Variants in MAL2 observed in about 807,000 individuals in gnomAD.
The protein encoded by MAL2 is protein MAL2.
MAL2 carries 17 observed loss-of-function variants against 18.1 expected under a neutral mutation model. The observed-to-expected ratio is 0.94, with a 90% CI of 0.64 to 1.41. MAL2 has a LOEUF of 1.41. Ranked by LOEUF, MAL2 falls within the 40% of genes most tolerant of loss-of-function variation. The pLI is 0.00. For synonymous variants in MAL2, 102 were observed against 102.3 expected (o/e 1.00, Z 0.02); for missense variants, 222 against 231.9 (o/e 0.96, Z 0.28).
chr8:119,240,398 C>T (rs1374399717), intron 3 of MAL2, 78 bp downstream of exon 3: 3 of 1,444,182 alleles, frequency 2.1e-6, no homozygotes, highest in Non-Finnish European at 2.8e-6. Flanking sequence ...ACTCCTCAGG[C>T]AACAATAGTT....
At chr8:119,239,252 A>T (rs1817991426) in intron 2 of MAL2, among the ~76,000 whole-genome samples, 4 of 152,258 alleles carry the variant, frequency 2.6e-5, no homozygotes, top group Admixed American at 2.6e-4. Flanking sequence ...TTAGAATGGC[A>T]ATCATTAAAA....
At chr8:119,216,671 T>C (rs1236950700) in intron 1 of MAL2, among the ~76,000 whole-genome samples, 1 of 152,188 alleles carries the variant, frequency 6.6e-6, no homozygotes, top group African/African-American at 2.4e-5. Context: ...GAATAATGAA[T>C]TATCCAATAT....
chr8:119,237,858 A>C (rs975971584), intron 2 of MAL2, among the ~76,000 whole-genome samples: 1 of 152,188 alleles, frequency 6.6e-6, no homozygotes, highest in Non-Finnish European at 1.5e-5. Context: ...AACTGGAAGC[A>C]TTCCCTTTGA....
chr8:119,232,523 T>G (rs1160219890), intron 2 of MAL2, among the ~76,000 whole-genome samples: 1 of 152,196 alleles, frequency 6.6e-6, no homozygotes, highest in African/African-American at 2.4e-5. Context: ...TTCACATGAA[T>G]GTCAGCAACA....
intron 2 of MAL2, among the ~76,000 whole-genome samples, chr8:119,227,417 G>T (rs529739727): frequency 1.9e-4 from 29 of 152,282 alleles, no homozygotes; most frequent in Non-Finnish European, 2.9e-4. Flanking sequence ...GCTCTACAAA[G>T]TCTTGACCAA....
chr8:119,227,296 G>A lies in MAL2; in HGVS notation c.303+5539G>A, dbSNP rs149670208. ...GAGAAGTACAAGAGTTTTGGTTTGG[G>A]CTTTTTGTGCATTTTGTTGTTGTTG... On this transcript the variant is annotated intron_variant, in intron 2 of 3. Transcript: ENST00000614891. 2.0e-5 allele frequency among the ~76,000 whole-genome samples: 3 copies of A among 152,318 alleles called. No homozygotes were observed. The East Asian group carries it at 5.8e-4, about 29-fold the overall frequency.
At chr8:119,235,203 G>T (rs1817852240) in intron 2 of MAL2, among the ~76,000 whole-genome samples, 3 of 152,166 alleles carry the variant, frequency 2.0e-5, no homozygotes, top group South Asian at 4.1e-4. Context: ...GGAAGAAAGG[G>T]TATCAGCAAT....
chr8:119,232,745 T>G (rs1001390998), intron 2 of MAL2, among the ~76,000 whole-genome samples: 1 of 152,080 alleles, frequency 6.6e-6, no homozygotes, highest in African/African-American at 2.4e-5. Context: ...AAGATGTTAT[T>G]TAAATGCTAT....
chr8:119,234,683 C>T (rs1817835233), intron 2 of MAL2, among the ~76,000 whole-genome samples: 1 of 151,748 alleles, frequency 6.6e-6, no homozygotes, highest in Admixed American at 6.6e-5. Context: ...TGGGAGGCAC[C>T]CCCCAGCAGG....
chr8:119,233,595 C>G (rs59699923), intron 2 of MAL2, among the ~76,000 whole-genome samples: 1 of 151,986 alleles, frequency 6.6e-6, no homozygotes, highest in Non-Finnish European at 1.5e-5. Context: ...ATAAATTCCT[C>G]GACACATACA....
intron 1 of MAL2, 88 bp from the exon 2 acceptor site, chr8:119,221,499 C>T: frequency 6.7e-7 from 1 of 1,493,276 alleles, no homozygotes; most frequent in South Asian, 1.3e-5. Flanking sequence ...AAAATGAAGG[C>T]AATGCTGAGG....
chr8:119,234,990 T>G (rs564559583), intron 2 of MAL2, among the ~76,000 whole-genome samples: 107 of 152,088 alleles, frequency 7.0e-4, no homozygotes, highest in Middle Eastern at 3.4e-3. Context: ...AGAAGAAGGC[T>G]TCAGACGATC....
intron 2 of MAL2, among the ~76,000 whole-genome samples, chr8:119,232,575 A>AAGTATATATGTTAGT (rs1433091873): frequency 6.6e-6 from 1 of 152,150 alleles, no homozygotes; most frequent in Non-Finnish European, 1.5e-5. Context: ...CTTTTGGTGG[A>AAGTATATATGTTAGT]AGTATATATG....
At position 119,221,695 on chromosome 8, in the gene MAL2, C is replaced by G. The variant is rs761041926; in HGVS notation, c.241C>G (p.Leu81Val). The G allele has an allele frequency of 1.7e-5, 27 of 1,613,746 alleles. No homozygotes were observed. The highest frequency in any genetic ancestry group is 2.3e-5 in the Non-Finnish European group (27 of 1,179,848). ...VSVTAFFFSL[L>V]FLGMFLSGMV... ...CGTGACAGCGTTTTTCTTTTCGCTCCTCTTTCTGGGCATGTTCCTCTCTGG... is the reference window on the plus strand; with the variant it reads ...CGTGACAGCGTTTTTCTTTTCGCTCGTCTTTCTGGGCATGTTCCTCTCTGG... The change falls in exon 2 of 4, where the codon CTC (leucine) becomes GTC (valine). Residue 81 changes from leucine to valine, a missense_variant. By Grantham distance (32) the Leu-to-Val change is conservative. Coordinates refer to ENST00000614891, the MANE Select transcript of MAL2 (RefSeq NM_052886.3).
At chr8:119,220,700 A>G in intron 1 of MAL2, among the ~76,000 whole-genome samples, 1 of 152,010 alleles carries the variant, frequency 6.6e-6, no homozygotes, top group East Asian at 1.9e-4. Context: ...AGCTCCTGCC[A>G]TGGAACCCCC....
intron 3 of MAL2, among the ~76,000 whole-genome samples, chr8:119,242,991 T>A (rs1423589006): frequency 6.6e-6 from 1 of 152,224 alleles, no homozygotes; most frequent in East Asian, 1.9e-4. Context: ...AAAGTTACCT[T>A]CCATCATCAT....
At chr8:119,232,425 G>GATATGTGGGAGCTATT (rs1324451154) in intron 2 of MAL2, among the ~76,000 whole-genome samples, 3 of 152,076 alleles carry the variant, frequency 2.0e-5, no homozygotes, top group African/African-American at 4.8e-5. Context: ...TAAGGTACCT[G>GATATGTGGGAGCTATT]ATATGTGGGA....
chr8:119,218,697 T>G (rs1817405413), intron 1 of MAL2, among the ~76,000 whole-genome samples: 1 of 152,202 alleles, frequency 6.6e-6, no homozygotes, highest in African/African-American at 2.4e-5. Context: ...CTGTTTGAGG[T>G]CCAGTCTGGG....
chr8:119,228,501 A>AC (rs904009039), intron 2 of MAL2, among the ~76,000 whole-genome samples: 3 of 151,984 alleles, frequency 2.0e-5, no homozygotes, highest in African/African-American at 7.2e-5. Flanking sequence ...CTAAAGGATG[A>AC]CCCCCATCCT....
Sources: gnomAD v4.1 joint callset for allele counts (sites outside exome capture counted in the v4.1 genomes callset) on GRCh38, gnomAD v4.1.1 for gene constraint, MANE v1.5 for transcripts, NCBI Gene and HGNC (gene_info 2026-07-23, HGNC 2026-07-21) for gene names.